ZBBX: variants seen among roughly 807,000 people sequenced by gnomAD.
The protein encoded by ZBBX is zinc finger B-box domain-containing protein 1.
Under a neutral mutation model 108.5 loss-of-function variants are expected in ZBBX, and 101 were observed. The observed-to-expected ratio is 0.93, with a 90% CI of 0.79 to 1.10. ZBBX has a LOEUF of 1.10. Among genes scored for constraint, ZBBX ranks in the 50% least tolerant of loss-of-function variants. The pLI, the probability that ZBBX is intolerant of heterozygous loss-of-function variation, is 0.00. For synonymous variants in ZBBX, 356 were observed against 323.4 expected (o/e 1.10, Z -1.08); for missense variants, 1,009 against 941.4 (o/e 1.07, Z -0.94).
the ZBBX span, among the ~76,000 whole-genome samples, chr3:167,191,015 G>A: frequency 6.6e-6 from 1 of 152,308 alleles, no homozygotes; most frequent in Admixed American, 6.5e-5. Context: ...GGGGAATATA[G>A]ACCCTGCTGG....
At chr3:167,388,608 CA>C (rs1747994031) in intron 1 of ZBBX, among the ~76,000 whole-genome samples, 1 of 151,952 alleles carries the variant, frequency 6.6e-6, no homozygotes, top group South Asian at 2.1e-4. Flanking sequence ...ATAGATTAAA[CA>C]AAATAAACGT....
chr3:167,344,361 T>A (rs1462078773), intron 9 of ZBBX, among the ~76,000 whole-genome samples: 1 of 151,850 alleles, frequency 6.6e-6, no homozygotes, highest in Non-Finnish European at 1.5e-5. Flanking sequence ...AATTGTGTGG[T>A]ATATGAATTA....
At chr3:167,395,210 G>C (rs1748191762) in intron 1 of ZBBX, among the ~76,000 whole-genome samples, 1 of 152,036 alleles carries the variant, frequency 6.6e-6, no homozygotes, top group Non-Finnish European at 1.5e-5. Context: ...GATCAAACTA[G>C]ATGGGTGTTT....
intron 14 of ZBBX, 36 bp from the exon 15 acceptor site, chr3:167,315,865 C>G: frequency 7.3e-7 from 1 of 1,371,358 alleles, no homozygotes; most frequent in Non-Finnish European, 1.0e-6. Flanking sequence ...TTAGTAAGTT[C>G]ATAAAAATTT....
rs143124868 is a variant in ZBBX at position 167,303,016 on chromosome 3, C to T, written c.1725+2627G>A. Among the ~76,000 whole-genome samples the T allele has an allele frequency of 1.3e-3, 204 of 152,214 alleles. 2 individuals carry two copies. In the East Asian group the frequency reaches 0.037, roughly 28 times the overall value. The stretch of plus-strand genomic sequence containing the variant: ...CTATATTTCAAGGCTGTTATCTATA[C>T]AAGCACCCTTGAAAATATACTTTGG... On this transcript the variant is annotated intron_variant, in intron 17 of 21. Transcript: ENST00000675490.
chr3:167,277,617 CA>C (rs1727860191), intron 20 of ZBBX, among the ~76,000 whole-genome samples: 2 of 152,106 alleles, frequency 1.3e-5, no homozygotes, highest in African/African-American at 4.8e-5. Flanking sequence ...GAGTGACCTA[CA>C]AAGAGACTTA....
the ZBBX span, among the ~76,000 whole-genome samples, chr3:167,218,102 C>G: frequency 6.6e-6 from 1 of 151,906 alleles, no homozygotes; most frequent in African/African-American, 2.4e-5. Flanking sequence ...AAGGTGTCTT[C>G]TTGAAGTGAG....
intron 9 of ZBBX, 32 bp downstream of exon 9, chr3:167,350,388 C>T: frequency 6.6e-7 from 1 of 1,507,040 alleles, no homozygotes; most frequent in Admixed American, 1.8e-5. Context: ...TTTATAAACA[C>T]ACTACAAGTA....
intron 20 of ZBBX, among the ~76,000 whole-genome samples, chr3:167,255,225 G>C (rs998830135): frequency 6.6e-6 from 1 of 152,020 alleles, no homozygotes; most frequent in African/African-American, 2.4e-5. Context: ...TTCAGGGTCA[G>C]ACGACAACAG....
chr3:167,315,644 CAT>C (rs1459920229), intron 15 of ZBBX, 104 bp downstream of exon 15: 6 of 758,136 alleles, frequency 7.9e-6, no homozygotes, highest in East Asian at 2.6e-5. Context: ...ATTAATGTCA[CAT>C]GTTTTTTCAC....
At chr3:167,297,642 A>C (rs1458019747) in intron 18 of ZBBX, among the ~76,000 whole-genome samples, 8 of 152,116 alleles carry the variant, frequency 5.3e-5, no homozygotes, top group Non-Finnish European at 7.4e-5. Context: ...TCTTAAGAAG[A>C]AGCAGTATCC....
intron 20 of ZBBX, among the ~76,000 whole-genome samples, chr3:167,268,098 C>T (rs746955927): frequency 1.3e-4 from 20 of 152,090 alleles, no homozygotes; most frequent in Non-Finnish European, 2.9e-4. Flanking sequence ...CCCTCCACAT[C>T]TATGGAGTCA....
intron 1 of ZBBX, among the ~76,000 whole-genome samples, chr3:167,397,343 T>C (rs1748275499): frequency 6.6e-6 from 1 of 151,860 alleles, no homozygotes; most frequent in Admixed American, 6.6e-5. Context: ...ACATACACTG[T>C]ATGGATGGCC....
At chr3:167,341,254 G>T (rs1170858325) in intron 9 of ZBBX, among the ~76,000 whole-genome samples, 1 of 151,700 alleles carries the variant, frequency 6.6e-6, no homozygotes, top group African/African-American at 2.4e-5. Context: ...GCTTATGAAT[G>T]CACCTTATTA....
intron 13 of ZBBX, 93 bp downstream of exon 13, chr3:167,317,395 T>C: frequency 2.1e-6 from 2 of 951,796 alleles, no homozygotes; most frequent in Non-Finnish European, 3.1e-6. Context: ...GAATAATATA[T>C]TAAAGAAAAC....
At chr3:167,277,307 T>C (rs1339930086) in intron 20 of ZBBX, among the ~76,000 whole-genome samples, 2 of 152,040 alleles carry the variant, frequency 1.3e-5, no homozygotes, top group African/African-American at 4.8e-5. Flanking sequence ...GACTGGCAAA[T>C]TGGATCAAGA....
the ZBBX span, among the ~76,000 whole-genome samples, chr3:167,204,805 C>G: frequency 6.0e-3 from 910 of 151,920 alleles, 7 homozygotes; most frequent in African/African-American, 0.021. Context: ...ATTTTCTTAA[C>G]AGCTGATCCA....
chr3:167,350,582 C>G (rs977918357), intron 8 of ZBBX, 67 bp from the exon 9 acceptor site: 1 of 1,118,722 alleles, frequency 8.9e-7, no homozygotes, highest in Non-Finnish European at 1.3e-6. Context: ...AAAGTGTTTG[C>G]ATAAAGATGT....
chr3:167,368,405 T>C (rs1273505988), intron 5 of ZBBX, 56 bp downstream of exon 5: 1 of 1,217,358 alleles, frequency 8.2e-7, no homozygotes, highest in Non-Finnish European at 1.2e-6. Context: ...GTATATAAAA[T>C]AGTTCTTTAT....
Sources: gnomAD v4.1 joint callset for allele counts (sites outside exome capture counted in the v4.1 genomes callset) on GRCh38, gnomAD v4.1.1 for gene constraint, MANE v1.5 for transcripts, NCBI Gene and HGNC (gene_info 2026-07-23, HGNC 2026-07-21) for gene names.